IREB2: variants seen among roughly 807,000 people sequenced by gnomAD.
The protein encoded by IREB2 is iron responsive element binding protein 2.
In IREB2, 39 loss-of-function variants were observed where a neutral mutation model predicts 118.8. That is an observed-to-expected ratio of 0.33 (90% CI 0.25 to 0.43). The LOEUF is 0.43. IREB2 is among the 20% of genes least tolerant of loss of function. The probability of loss-of-function intolerance (pLI) is 1.00; values close to 1 mark genes in which losing one functional copy is unlikely to be tolerated. For synonymous variants in IREB2, 372 were observed against 392.2 expected (o/e 0.95, Z 0.61); for missense variants, 900 against 1,147.3 (o/e 0.78, Z 3.11).
rs938004080 is a variant in IREB2 at position 78,466,188 on chromosome 15, G to A, written c.411-83G>A. ...CATCATTCAGTTACTTCCAGATAGC[G>A]TTGCTAATGTGCGTTTTTTTTTAAG... On this transcript the variant is annotated intron_variant, in intron 4 of 21. Coordinates refer to ENST00000258886, the MANE Select transcript of IREB2 (RefSeq NM_004136.4). 43 of 810,838 alleles carry A rather than the reference G, an allele frequency of 5.3e-5. No homozygotes were observed. The Middle Eastern group carries it at 1.8e-3, about 34-fold the overall frequency. The allele number at this position is 810,838 out of a possible 1,614,324, so 50.2% of individuals were successfully genotyped here.
In IREB2 at chr15:78,483,436, TA is replaced by T; in HGVS notation, c.1413+3del. On this transcript the variant is annotated splice_donor_region_variant and intron_variant, in intron 11 of 21. Coordinates refer to ENST00000258886, the MANE Select transcript of IREB2 (RefSeq NM_004136.4). ...TTCCAGGCTTGCTTAAATGAAAAGG[TA>T]GGTTACTTTATTCTTATCCGTGTTT... is the stretch of plus-strand genomic sequence containing the variant. 2.7e-6 allele frequency: 4 copies of T among 1,477,274 alleles called. No homozygotes were observed. The highest frequency in any genetic ancestry group is 2.8e-6 in the Non-Finnish European group (3 of 1,055,502). The allele number at this position is 1,477,274 out of a possible 1,614,324, so 91.5% of individuals were successfully genotyped here. A position where few individuals can be genotyped will look rare whatever the true frequency, so the allele number is the denominator to read the frequency against.
intron 13 of IREB2, 84 bp downstream of exon 13, chr15:78,485,924 G>A: frequency 2.6e-6 from 3 of 1,141,686 alleles, no homozygotes; most frequent in Admixed American, 2.4e-5. Context: ...CATATACAAA[G>A]AGAAGATAGA....
At chr15:78,496,181 C>G (rs1349240377) in intron 20 of IREB2, among the ~76,000 whole-genome samples, 2 of 152,174 alleles carry the variant, frequency 1.3e-5, no homozygotes, top group Non-Finnish European at 2.9e-5. Context: ...AATCACTTAC[C>G]TATCTCTGTT....
At chr15:78,491,483 T>G (rs886308618) in intron 18 of IREB2, among the ~76,000 whole-genome samples, 1 of 151,512 alleles carries the variant, frequency 6.6e-6, no homozygotes, top group African/African-American at 2.4e-5. Flanking sequence ...GAAATTTATT[T>G]ATTTATGTAT....
chr15:78,496,021 T>C (rs1275676019), intron 20 of IREB2, among the ~76,000 whole-genome samples: 1 of 152,236 alleles, frequency 6.6e-6, no homozygotes, highest in South Asian at 2.1e-4. Flanking sequence ...TTGTATGGCC[T>C]TGTAACCTGT....
intron 2 of IREB2, among the ~76,000 whole-genome samples, chr15:78,445,252 C>T (rs1381726024): frequency 1.3e-5 from 2 of 151,964 alleles, no homozygotes; most frequent in South Asian, 2.1e-4. Flanking sequence ...ATTCTTCTGC[C>T]TCAGCCTCTG....
At chr15:78,438,918 CAA>C (rs762574926) in intron 1 of IREB2, 13 of 131,298 alleles carry the variant, frequency 9.9e-5, no homozygotes, top group Non-Finnish European at 9.9e-5. Flanking sequence ...CCTCCCTCTA[CAA>C]AAAAAAAAAA....
intron 2 of IREB2, among the ~76,000 whole-genome samples, chr15:78,453,271 AGT>A (rs2051053974): frequency 6.6e-6 from 1 of 152,220 alleles, no homozygotes; most frequent in Non-Finnish European, 1.5e-5. Flanking sequence ...CAGTAGAAAG[AGT>A]GTTTCAAAAA....
chr15:78,498,022 C>T lies in IREB2; in HGVS notation c.2782-11C>T, dbSNP rs770332074. On this transcript the variant is annotated splice_polypyrimidine_tract_variant and intron_variant, in intron 21 of 21. Coordinates refer to ENST00000258886, the MANE Select transcript of IREB2 (RefSeq NM_004136.4). ...TACTTGCTCACATGAGATGTTTTTG[C>T]TCCTTTCAAGACAAGCACTGGAAAA... The T allele has an allele frequency of 1.3e-6, 2 of 1,551,776 alleles. No individual in the cohort carries two copies. The highest frequency in any genetic ancestry group is 2.2e-5 in the South Asian group (2 of 89,368).
At position 78,497,290 on chromosome 15, in the gene IREB2, T is replaced by C; in HGVS notation, c.2760T>C (p.Pro920=). 6.2e-7 allele frequency: 1 copy of C among 1,612,936 alleles called. No homozygotes were observed. Among genetic ancestry groups the C allele is most frequent in the African/African-American group, 1.3e-5 (1 of 75,034 alleles). ...TAACATTTCCTGAAGAACTGTCTCC[T>C]GGAATTACATTGAATATACAGGTAT... The part of the protein sequence containing the change: ...FSLTFPEELS[P]GITLNIQTST... The change falls in exon 21 of 22, where the codon CCT becomes CCC. Residue 920 remains proline, a synonymous_variant. Transcript: ENST00000258886.
Position 78,488,705 on chromosome 15 carries a change from A to T in IREB2, c.2010A>T (p.Glu670Asp), listed in dbSNP as rs767219562. 6.2e-7 allele frequency: 1 copy of T among 1,604,494 alleles called. No individual in the cohort carries two copies. Among genetic ancestry groups the T allele is most frequent in the African/African-American group, 1.3e-5 (1 of 74,740 alleles). Residue 670 changes from glutamate to aspartate, a missense_variant, in exon 16 of 22, where the codon GAA becomes GAT. By Grantham distance (45) the Glu-to-Asp change is conservative. Coordinates refer to ENST00000258886, the MANE Select transcript of IREB2 (RefSeq NM_004136.4). ...YLHDIWPSRE[E>D]VHRVEEEHVI... ...ATGATATTTGGCCTAGTCGAGAAGAAGTTCATCGAGTAGAGGAAGAACATG... is the reference window on the plus strand; with the variant it reads ...ATGATATTTGGCCTAGTCGAGAAGATGTTCATCGAGTAGAGGAAGAACATG...
chr15:78,490,819 G>A (rs1364290929), intron 18 of IREB2, 58 bp downstream of exon 18: 1 of 1,484,970 alleles, frequency 6.7e-7, no homozygotes, highest in Non-Finnish European at 9.3e-7. Context: ...CTGATTAAGA[G>A]GCTTCTATTG....
At chr15:78,464,783 G>A (rs1032367749) in intron 3 of IREB2, among the ~76,000 whole-genome samples, 1 of 152,028 alleles carries the variant, frequency 6.6e-6, no homozygotes, top group Admixed American at 6.6e-5. Context: ...GTCTTATTTG[G>A]CCTTGTACCA....
rs772696033 is a variant in IREB2, at chr15:78,490,690, A to G, written c.2253A>G (p.Thr751=). 9.3e-6 allele frequency: 15 copies of G among 1,613,898 alleles called. No homozygotes were observed. The highest frequency in any genetic ancestry group is 2.7e-5 in the African/African-American group (2 of 74,936). Residue 751 remains threonine (T), a synonymous_variant, in exon 18 of 22, where the codon ACA becomes ACG. Coordinates refer to ENST00000258886, the MANE Select transcript of IREB2 (RefSeq NM_004136.4). ...HVLLYLGDSV[T]TDHISPAGSI... is the part of the protein sequence containing the mutation. Reference sequence around the variant, plus strand: ...TATTATATTTGGGAGACTCTGTCACAACAGATCATATATCACCTGCAGGAA... The same window carrying G: ...TATTATATTTGGGAGACTCTGTCACGACAGATCATATATCACCTGCAGGAA...
intron 8 of IREB2, 152 bp downstream of exon 8, chr15:78,473,533 C>G (rs966141154): frequency 1.2e-4 from 73 of 613,004 alleles, no homozygotes; most frequent in Admixed American, 2.5e-4. Flanking sequence ...GTAATAACAA[C>G]AAACAGAGCA....
chr15:78,490,554 T>C (rs1469376952), intron 17 of IREB2, 28 bp downstream of exon 17: 6 of 1,604,230 alleles, frequency 3.7e-6, no homozygotes, highest in Non-Finnish European at 4.3e-6. Context: ...ATTTGATCTT[T>C]TAAAGATTGT....
At chr15:78,467,219 A>AT (rs1472548462) in intron 5 of IREB2, among the ~76,000 whole-genome samples, 1 of 151,818 alleles carries the variant, frequency 6.6e-6, no homozygotes, top group African/African-American at 2.4e-5. Context: ...AAAAAAAAAA[A>AT]AAAAAAGAGC....
intron 2 of IREB2, among the ~76,000 whole-genome samples, chr15:78,448,066 A>G (rs1303817591): frequency 6.6e-6 from 1 of 152,224 alleles, no homozygotes; most frequent in Non-Finnish European, 1.5e-5. Context: ...ACAGGTGAAA[A>G]AACAAAATCT....
At chr15:78,480,140 G>A (rs570849561) in intron 10 of IREB2, 13 of 152,302 alleles carry the variant, frequency 8.5e-5, no homozygotes, top group African/African-American at 2.6e-4. Flanking sequence ...CTGGCACATA[G>A]TAGATATTCA....
Sources: allele counts gnomAD v4.1 joint callset (sites outside exome capture counted in the v4.1 genomes callset), GRCh38; gene constraint gnomAD v4.1.1; transcripts MANE v1.5; gene names NCBI Gene and HGNC (gene_info 2026-07-23, HGNC 2026-07-21).